The following DLGAP4 variants were observed in gnomAD, a reference collection of about 807,000 sequenced individuals.
DLGAP4 encodes disks large-associated protein 4.
In DLGAP4, 18 loss-of-function variants were observed where a neutral mutation model predicts 86.9. That is an observed-to-expected ratio of 0.21 (90% CI 0.14 to 0.31). The LOEUF is 0.31. Ranked by LOEUF, DLGAP4 falls within the 10% of genes least tolerant of loss-of-function variation. The pLI is 1.00. For synonymous variants in DLGAP4, 548 were observed against 574.3 expected, an observed-to-expected ratio of 0.95 and a Z score of 0.65; for missense variants, 1,085 against 1,362.6, an observed-to-expected ratio of 0.80 and a Z score of 3.21.
intron 2 of DLGAP4, among the ~76,000 whole-genome samples, chr20:36,392,208 G>A (rs1052317156): frequency 7.9e-5 from 12 of 152,196 alleles, no homozygotes; most frequent in African/African-American, 2.9e-4. Flanking sequence ...GCTGCCACTA[G>A]GAGAGAGACA....
chr20:36,396,811 CCCTG>C (rs2032016417), intron 2 of DLGAP4, among the ~76,000 whole-genome samples: 3 of 152,174 alleles, frequency 2.0e-5, no homozygotes, highest in Admixed American at 2.0e-4. Context: ...CCATAACGAG[CCCTG>C]CCTGCCCTCT....
At position 36,350,677 on chromosome 20, in the gene DLGAP4, C is replaced by G. The variant is rs1172842775; in HGVS notation, c.-303-16368C>G. The stretch of plus-strand genomic sequence containing the variant: ...TTCCAAAAAGTATCAGCCCAGGCCT[C>G]TGCACACAGTAGGTGATCACAAAGT... On this transcript the variant is annotated intron_variant, in intron 1 of 12. Coordinates refer to ENST00000339266, the MANE Select transcript of DLGAP4 (RefSeq NM_001365621.2). The surrounding 1 kb of genome is among the most constrained non-coding windows in gnomAD (Gnocchi z 4.4). Among the ~76,000 whole-genome samples, 1 of 152,246 alleles carries G rather than the reference C, an allele frequency of 6.6e-6. No individual in the cohort carries two copies. Among genetic ancestry groups the G allele is most frequent in the Non-Finnish European group, 1.5e-5 (1 of 68,046 alleles).
chr20:36,354,500 G>A (rs1226391988), intron 1 of DLGAP4, among the ~76,000 whole-genome samples: 1 of 152,044 alleles, frequency 6.6e-6, no homozygotes, highest in Non-Finnish European at 1.5e-5. Flanking sequence ...AGCACATCCG[G>A]ACTGACTCCT....
At chr20:36,344,706 A>T (rs192199257) in intron 1 of DLGAP4, among the ~76,000 whole-genome samples, 1 of 152,182 alleles carries the variant, frequency 6.6e-6, no homozygotes, top group Non-Finnish European at 1.5e-5. Flanking sequence ...GGGATTTCAG[A>T]ACCTTGGACA....
intron 1 of DLGAP4, among the ~76,000 whole-genome samples, chr20:36,363,243 G>A (rs782013896): frequency 6.6e-6 from 1 of 152,230 alleles, no homozygotes; most frequent in Non-Finnish European, 1.5e-5. Context: ...AGGAGCAGGT[G>A]GGGGAGGGAA....
At chr20:36,313,475 C>G (rs2065070131) in intron 1 of DLGAP4, among the ~76,000 whole-genome samples, 1 of 151,966 alleles carries the variant, frequency 6.6e-6, no homozygotes, top group African/African-American at 2.4e-5. Context: ...CTTTTCTGAA[C>G]AGTGTGTACT....
intron 2 of DLGAP4, among the ~76,000 whole-genome samples, chr20:36,403,131 G>A (rs2032211791): frequency 6.6e-6 from 1 of 152,206 alleles, no homozygotes; most frequent in Admixed American, 6.5e-5. Flanking sequence ...ACCACAGGCT[G>A]GGTAATGTAT....
At chr20:36,404,681 C>T (rs1448456826) in intron 2 of DLGAP4, among the ~76,000 whole-genome samples, 2 of 152,156 alleles carry the variant, frequency 1.3e-5, no homozygotes, top group East Asian at 1.9e-4. Flanking sequence ...TCAGTCTTCC[C>T]CACAAGACAG....
At chr20:36,362,650 G>A (rs1274881737) in intron 1 of DLGAP4, among the ~76,000 whole-genome samples, 13 of 152,348 alleles carry the variant, frequency 8.5e-5, no homozygotes, top group Admixed American at 7.8e-4. Context: ...ACCTCCATGT[G>A]CCAGGTACAG....
intron 2 of DLGAP4, among the ~76,000 whole-genome samples, chr20:36,430,531 T>C (rs1400979191): frequency 6.6e-6 from 1 of 151,302 alleles, no homozygotes; most frequent in African/African-American, 2.4e-5. Context: ...TTGGAAGGCC[T>C]CTCTAGGCAG....
chr20:36,358,745 T>G (rs1555894021), intron 1 of DLGAP4, among the ~76,000 whole-genome samples: 1 of 152,062 alleles, frequency 6.6e-6, no homozygotes, highest in Non-Finnish European at 1.5e-5. Context: ...GGGGCGGAGC[T>G]TGCAGTGAGC....
At chr20:36,453,364 C>A (rs2033790984) in intron 7 of DLGAP4, among the ~76,000 whole-genome samples, 1 of 152,152 alleles carries the variant, frequency 6.6e-6, no homozygotes, top group Admixed American at 6.5e-5. Context: ...TAAAAAGAAA[C>A]AGAGGCTGGG....
At chr20:36,357,207 GCA>G (rs1364812088) in intron 1 of DLGAP4, among the ~76,000 whole-genome samples, 1 of 152,060 alleles carries the variant, frequency 6.6e-6, no homozygotes, top group Non-Finnish European at 1.5e-5. Flanking sequence ...CTCCCCCAGA[GCA>G]CACAGACCAG....
At chr20:36,509,246 G>A (rs1379066920) in intron 10 of DLGAP4, among the ~76,000 whole-genome samples, 1 of 152,018 alleles carries the variant, frequency 6.6e-6, no homozygotes, top group Non-Finnish European at 1.5e-5. Flanking sequence ...AACGTAGTGA[G>A]ACCTCATGTC....
At chr20:36,383,401 G>A (rs995123375) in intron 2 of DLGAP4, among the ~76,000 whole-genome samples, 5 of 152,056 alleles carry the variant, frequency 3.3e-5, no homozygotes, top group African/African-American at 1.2e-4. Flanking sequence ...TTGAGAACAG[G>A]GCAACAAGCC....
intron 4 of DLGAP4, among the ~76,000 whole-genome samples, chr20:36,437,993 T>C (rs1481475001): frequency 6.6e-6 from 1 of 152,138 alleles, no homozygotes; most frequent in Non-Finnish European, 1.5e-5. Context: ...CTTGTCGACC[T>C]CCTGTGCTCA....
intron 2 of DLGAP4, among the ~76,000 whole-genome samples, chr20:36,369,110 G>A (rs1216333359): frequency 3.9e-5 from 6 of 152,172 alleles, no homozygotes; most frequent in Non-Finnish European, 7.3e-5. Flanking sequence ...CAGCGAGGGA[G>A]GTGTTACTGC....
intron 7 of DLGAP4, among the ~76,000 whole-genome samples, chr20:36,472,297 T>G (rs773272016): frequency 6.6e-6 from 1 of 151,726 alleles, no homozygotes; most frequent in Non-Finnish European, 1.5e-5. Context: ...AGCTCAGGAG[T>G]TAAAGACCAG....
At chr20:36,376,386 G>A (rs1303652999) in intron 2 of DLGAP4, among the ~76,000 whole-genome samples, 3 of 152,090 alleles carry the variant, frequency 2.0e-5, no homozygotes, top group African/African-American at 7.2e-5. Context: ...CTGGAGAATC[G>A]CTTGAACCTG....
Sources: allele counts gnomAD v4.1 joint callset (sites outside exome capture counted in the v4.1 genomes callset), GRCh38; gene constraint gnomAD v4.1.1; non-coding constraint Gnocchi (gnomAD v3.1); transcripts MANE v1.5; gene names NCBI Gene and HGNC (gene_info 2026-07-23, HGNC 2026-07-21).